Variants in MFSD11 observed in about 807,000 individuals in gnomAD.
The protein encoded by MFSD11 is major facilitator superfamily domain containing 11, also known as UNC93-like protein MFSD11.
MFSD11 carries 36 observed loss-of-function variants against 53.5 expected under a neutral mutation model. The ratio of observed to expected loss-of-function variants is 0.67; its 90% CI spans 0.52 to 0.89. The LOEUF is 0.89. Among genes scored for constraint, MFSD11 ranks in the 40% least tolerant of loss-of-function variants. The pLI is 0.00. For missense variants in MFSD11, 530 were observed against 543.9 expected, an observed-to-expected ratio of 0.97 and a Z score of 0.25; for synonymous variants, 186 against 184.9, an observed-to-expected ratio of 1.01 and a Z score of -0.05.
chr17:76,774,519 G>T (rs2081641890), intron 10 of MFSD11, among the ~76,000 whole-genome samples: 1 of 152,188 alleles, frequency 6.6e-6, no homozygotes, highest in Non-Finnish European at 1.5e-5. Flanking sequence ...TCTCCTCTCA[G>T]CTTTTGAGAT....
intron 8 of MFSD11, among the ~76,000 whole-genome samples, chr17:76,756,459 G>T (rs1036548259): frequency 6.6e-6 from 1 of 152,150 alleles, no homozygotes; most frequent in African/African-American, 2.4e-5. Context: ...TGAGCCACAC[G>T]TGATAATTAA....
intron 11 of MFSD11, among the ~76,000 whole-genome samples, chr17:76,775,946 G>A (rs2081793581): frequency 6.6e-6 from 1 of 151,974 alleles, no homozygotes; most frequent in African/African-American, 2.4e-5. Flanking sequence ...TTCTTACTTT[G>A]TAAATTCTAG....
At chr17:76,761,553 T>C (rs1269052547) in intron 8 of MFSD11, among the ~76,000 whole-genome samples, 1 of 152,242 alleles carries the variant, frequency 6.6e-6, no homozygotes, top group Admixed American at 6.5e-5. Context: ...GAATTTGTTT[T>C]TGTAAAAAAT....
In MFSD11 at chr17:76,762,974, T is replaced by C. The variant is rs144971020; in HGVS notation, c.683-4412T>C. On this transcript the variant is annotated intron_variant, in intron 8 of 12. Coordinates refer to ENST00000685175, the MANE Select transcript of MFSD11 (RefSeq NM_001242532.5). ...CAGCTAAGTTTATCACTGGAGCTTA[T>C]GCAAACGCCCCAGGCCTTCCAAGAA... Among the ~76,000 whole-genome samples the C allele has an allele frequency of 3.8e-3, 574 of 152,284 alleles. 4 individuals carry two copies. Among genetic ancestry groups the C allele is most frequent in the African/African-American group, 0.013 (551 of 41,570 alleles).
intron 8 of MFSD11, among the ~76,000 whole-genome samples, chr17:76,766,776 C>T (rs2080890906): frequency 6.6e-6 from 1 of 152,008 alleles, no homozygotes; most frequent in African/African-American, 2.4e-5. Context: ...TGAATAGGTT[C>T]CAAAAAAGTC....
the MFSD11 span, among the ~76,000 whole-genome samples, chr17:76,797,213 A>G: frequency 3.9e-5 from 6 of 152,240 alleles, no homozygotes; most frequent in South Asian, 1.2e-3. Flanking sequence ...TAAAGAAACA[A>G]AAGAATGGCT....
chr17:76,738,784 T>C (rs903005109), intron 1 of MFSD11, among the ~76,000 whole-genome samples, 154 bp from the exon 2 acceptor site: 2 of 152,262 alleles, frequency 1.3e-5, no homozygotes, highest in Non-Finnish European at 2.9e-5. Context: ...TCTGCAGTTC[T>C]GTTGTCCTTT....
chr17:76,736,991 A>T (rs369871019), upstream of MFSD11: 8 of 1,613,320 alleles, frequency 5.0e-6, no homozygotes, highest in Non-Finnish European at 5.9e-6. Flanking sequence ...AACGAAGGCG[A>T]AGCCGCGGGA....
chr17:76,791,030 A>C, the MFSD11 span, among the ~76,000 whole-genome samples: 2 of 148,428 alleles, frequency 1.3e-5, no homozygotes, highest in African/African-American at 5.0e-5. Flanking sequence ...AAATCTTAAT[A>C]CTAGGATGTA....
chr17:76,783,920 T>G (rs1469522025), downstream of MFSD11, among the ~76,000 whole-genome samples: 1 of 151,962 alleles, frequency 6.6e-6, no homozygotes, highest in Non-Finnish European at 1.5e-5. Flanking sequence ...ATAGTCATTT[T>G]TTTTGGATCT....
chr17:76,793,002 G>A, the MFSD11 span, among the ~76,000 whole-genome samples: 1 of 151,442 alleles, frequency 6.6e-6, no homozygotes. Context: ...TGAATAGGGT[G>A]TGGGTCAAAG....
Position 76,778,516 on chromosome 17 carries a change from C to T in MFSD11, c.*164C>T. 1.6e-6 allele frequency: 1 copy of T among 617,272 alleles called. No homozygotes were observed. The allele number at this position is 617,272 out of a possible 1,614,324, so 38.2% of individuals were successfully genotyped here. On this transcript the variant is annotated 3_prime_UTR_variant, in exon 13 of 13. Coordinates refer to ENST00000685175, the MANE Select transcript of MFSD11 (RefSeq NM_001242532.5). ...CAGCCAGAGTTGGTGTTCAAGTTTA[C>T]AGATATGAGTTATTTAAAGCAAGTA...
chr17:76,793,530 C>T, the MFSD11 span, among the ~76,000 whole-genome samples: 10 of 151,274 alleles, frequency 6.6e-5, no homozygotes, highest in East Asian at 1.3e-3. Flanking sequence ...CACACATGCT[C>T]TACAATTTGT....
At chr17:76,736,674 G>A (rs949427164), upstream of MFSD11, 8 of 1,232,518 alleles carry the variant, frequency 6.5e-6, no homozygotes, top group African/African-American at 6.4e-5. Flanking sequence ...AGGGTCGCGA[G>A]ACGCGGCGTG....
upstream of MFSD11, chr17:76,737,561 C>T (rs973012350): frequency 1.2e-5 from 3 of 249,854 alleles, no homozygotes; most frequent in African/African-American, 2.2e-5. Context: ...GTTGGAAAGC[C>T]CGCGAAACGC....
chr17:76,788,986 A>T, the MFSD11 span, among the ~76,000 whole-genome samples: 2 of 149,426 alleles, frequency 1.3e-5, no homozygotes, highest in South Asian at 2.2e-4. Context: ...TACTAAAAAT[A>T]TAAAAATTAG....
At chr17:76,753,375 T>A (rs894207930) in intron 7 of MFSD11, among the ~76,000 whole-genome samples, 2 of 152,138 alleles carry the variant, frequency 1.3e-5, no homozygotes, top group African/African-American at 2.4e-5. Flanking sequence ...ATTTTCAGTT[T>A]GAAGGTAACA....
intron 8 of MFSD11, among the ~76,000 whole-genome samples, chr17:76,759,111 G>T (rs981942977): frequency 2.0e-5 from 3 of 151,888 alleles, no homozygotes; most frequent in African/African-American, 7.3e-5. Flanking sequence ...ATAAAAATTA[G>T]CTGGGAATGG....
the MFSD11 span, among the ~76,000 whole-genome samples, chr17:76,796,488 G>C: frequency 6.6e-6 from 1 of 152,046 alleles, no homozygotes; most frequent in Non-Finnish European, 1.5e-5. Flanking sequence ...AAATCTCTGG[G>C]GGTTTCTCTT....
Sources: allele counts gnomAD v4.1 joint callset (sites outside exome capture counted in the v4.1 genomes callset), GRCh38; gene constraint gnomAD v4.1.1; transcripts MANE v1.5; gene names NCBI Gene and HGNC (gene_info 2026-07-23, HGNC 2026-07-21).